Variants in ERICH5 observed in about 807,000 individuals in gnomAD.
ERICH5 encodes glutamate rich 5.
Under a neutral mutation model 28.0 loss-of-function variants are expected in ERICH5, and 24 were observed. The ratio of observed to expected loss-of-function variants is 0.86; its 90% CI spans 0.62 to 1.21. The LOEUF (loss-of-function observed/expected upper bound fraction) is 1.21. Among genes scored for constraint, ERICH5 ranks in the 50% most tolerant of loss-of-function variants. The pLI is 0.00. For synonymous variants in ERICH5, 163 were observed against 157.6 expected (o/e 1.03, Z -0.25); for missense variants, 421 against 441.2 (o/e 0.95, Z 0.41).
chr8:98,085,290 A>G (rs1453220382), intron 1 of ERICH5, among the ~76,000 whole-genome samples: 2 of 151,186 alleles, frequency 1.3e-5, no homozygotes, highest in African/African-American at 2.4e-5. Context: ...CCTCCCGAGT[A>G]GCTGGGACTG....
rs1386823975 is a variant in ERICH5 at position 98,089,146 on chromosome 8, A to G, written c.129A>G (p.Ala43=). The part of the protein sequence containing the change: ...ESCFAQPKPH[A]LGRESTVDGN... ...GCTTTGCCCAACCAAAGCCACATGC[A>G]CTGGGAAGAGAATCTACTGTTGATG... The change falls in exon 2 of 3, where the codon GCA becomes GCG. Residue 43 remains alanine (A), a synonymous_variant. Transcript: ENST00000318528. 1.2e-6 allele frequency: 2 copies of G among 1,614,124 alleles called. No homozygotes were observed. Among genetic ancestry groups the G allele is most frequent in the African/African-American group, 2.7e-5 (2 of 74,936 alleles).
chr8:98,093,035 A>G (rs1286496388), intron 2 of ERICH5, among the ~76,000 whole-genome samples, 186 bp from the exon 3 acceptor site: 1 of 152,106 alleles, frequency 6.6e-6, no homozygotes, highest in African/African-American at 2.4e-5. Context: ...TGGCCTCCCA[A>G]TGTGTTGGAT....
rs1211704091 is a variant in ERICH5 at position 98,089,096 on chromosome 8, T to C, written c.79T>C (p.Ser27Pro). ...CAAAGTAACTTCAAATGAGCATTTT[T>C]CAACTGCAGAAGAAAGTGAGTCCTG... ...FPSVTSNEHF[S>P]TAEESESCFA... The change falls in exon 2 of 3, where the codon TCA becomes CCA. Residue 27 changes from serine to proline, a missense_variant. Physicochemically the swap from Ser to Pro is moderately conservative, Grantham distance 74 (BLOSUM62 -1). Coordinates refer to ENST00000318528, the MANE Select transcript of ERICH5 (RefSeq NM_173549.3). The C allele has an allele frequency of 6.2e-7, 1 of 1,604,754 alleles. No homozygotes were observed.
chr8:98,088,857 A>G (rs150955630), intron 1 of ERICH5, among the ~76,000 whole-genome samples: 8 of 152,294 alleles, frequency 5.3e-5, no homozygotes, highest in African/African-American at 1.9e-4. Flanking sequence ...GTTTTGGAGG[A>G]CTTCAGCGCT....
chr8:98,070,617 G>A (rs1238521133), intron 1 of ERICH5, among the ~76,000 whole-genome samples: 1 of 118,004 alleles, frequency 8.5e-6, no homozygotes, highest in Non-Finnish European at 1.7e-5. Context: ...CCAAGATCGC[G>A]CCATTGCACT....
rs535686253 is a variant in ERICH5 at position 98,089,590 on chromosome 8, T to A, written c.573T>A (p.Thr191=). ...TAAEMKPLGT[T]ENVLTLQIAG... is the part of the protein sequence containing the mutation. ...CAGAGATGAAGCCTCTAGGAACAAC[T>A]GAGAACGTTCTGACTCTGCAAATAG... is the stretch of plus-strand genomic sequence containing the variant. Residue 191 remains threonine, a synonymous_variant, in exon 2 of 3, where the codon ACT becomes ACA. Transcript: ENST00000318528. 6.2e-7 allele frequency: 1 copy of A among 1,614,132 alleles called. No homozygotes were observed. Among genetic ancestry groups the A allele is most frequent in the Non-Finnish European group, 8.5e-7 (1 of 1,180,020 alleles).
intron 1 of ERICH5, among the ~76,000 whole-genome samples, chr8:98,077,100 TAA>T (rs34156712): frequency 0.087 from 12,827 of 146,750 alleles, 593 homozygotes; most frequent in East Asian, 0.19. Flanking sequence ...CTGTCTCTAT[TAA>T]AAAAAAAAAA....
At chr8:98,078,093 A>T (rs1319269556) in intron 1 of ERICH5, among the ~76,000 whole-genome samples, 1 of 152,210 alleles carries the variant, frequency 6.6e-6, no homozygotes, top group Non-Finnish European at 1.5e-5. Context: ...ACCTTTCTTC[A>T]AAATGAGTGC....
intron 1 of ERICH5, among the ~76,000 whole-genome samples, chr8:98,072,042 G>A (rs970005274): frequency 1.3e-5 from 2 of 151,830 alleles, no homozygotes; most frequent in Non-Finnish European, 2.9e-5. Context: ...ATGAACTACC[G>A]TGCCCAGCCC....
intron 1 of ERICH5, among the ~76,000 whole-genome samples, chr8:98,074,174 G>A (rs1346830444): frequency 6.6e-6 from 1 of 151,738 alleles, no homozygotes; most frequent in Non-Finnish European, 1.5e-5. Flanking sequence ...TGGGATTATA[G>A]GTGTGAGCCA....
intron 1 of ERICH5, among the ~76,000 whole-genome samples, chr8:98,079,557 G>T (rs1407032853): frequency 6.6e-6 from 1 of 151,468 alleles, no homozygotes; most frequent in Non-Finnish European, 1.5e-5. Context: ...TATTTATTTT[G>T]AGATGAAGTC....
intron 1 of ERICH5, 114 bp downstream of exon 1, chr8:98,064,841 T>G (rs1814790948): frequency 1.3e-6 from 1 of 778,158 alleles, no homozygotes; most frequent in Non-Finnish European, 1.9e-6. Flanking sequence ...GAGCCGGGCC[T>G]TGTCCCGGAG....
intron 1 of ERICH5, among the ~76,000 whole-genome samples, chr8:98,072,905 T>C (rs557843309): frequency 6.6e-6 from 1 of 151,896 alleles, no homozygotes; most frequent in Non-Finnish European, 1.5e-5. Flanking sequence ...TTTCTGCCTC[T>C]TCCCATTTTC....
intron 2 of ERICH5, among the ~76,000 whole-genome samples, chr8:98,092,104 T>A (rs1466847727): frequency 1.3e-5 from 2 of 150,322 alleles, no homozygotes; most frequent in Non-Finnish European, 3.0e-5. Flanking sequence ...ACTGAAGGGA[T>A]CCTCTTGCCC....
chr8:98,093,271 G>A lies in ERICH5; in HGVS notation c.1063G>A (p.Glu355Lys), dbSNP rs1222239785. The A allele has an allele frequency of 6.2e-7, 1 of 1,614,050 alleles. No individual in the cohort carries two copies. The highest frequency in any genetic ancestry group is 8.5e-7 in the Non-Finnish European group (1 of 1,179,950). Residue 355 changes from glutamate to lysine, a missense_variant, in exon 3 of 3, where the codon GAA (glutamate) becomes AAA (lysine). Coordinates refer to ENST00000318528, the MANE Select transcript of ERICH5 (RefSeq NM_173549.3). ...AGACATGGAGAATGAGAAAGTGAGT[G>A]AAGGGGCTGAAACCAAAGAAGAAGA... is the stretch of plus-strand genomic sequence containing the variant. The part of the protein sequence containing the change: ...ETDMENEKVS[E>K]GAETKEEETG...
chr8:98,078,398 A>G (rs1815099195), intron 1 of ERICH5, among the ~76,000 whole-genome samples: 1 of 152,240 alleles, frequency 6.6e-6, no homozygotes, highest in Admixed American at 6.5e-5. Flanking sequence ...GATGACAGCA[A>G]GGAAAAACAC....
In ERICH5 at chr8:98,089,399, G is replaced by GA. The variant is rs761689088; in HGVS notation, c.384dup (p.Gly129ArgfsTer20). 3.0e-5 allele frequency: 49 copies of GA among 1,614,114 alleles called. No homozygotes were observed. In the South Asian group the frequency reaches 4.4e-4, roughly 14 times the overall value. ...TGGCAAAGAGGATGCCCCAGCAGCA[G>GA]AAGGAAAGAAGAAAGATGCAGGAGC... On this transcript the variant is annotated frameshift_variant, in exon 2 of 3. Transcript: ENST00000318528. LOFTEE classifies it high-confidence loss of function.
At chr8:98,086,190 G>GA (rs890818663) in intron 1 of ERICH5, among the ~76,000 whole-genome samples, 10 of 152,074 alleles carry the variant, frequency 6.6e-5, no homozygotes, top group African/African-American at 2.4e-4. Flanking sequence ...AGGAAGAACA[G>GA]AAAAAAAGAC....
At chr8:98,086,670 G>T (rs1167401400) in intron 1 of ERICH5, among the ~76,000 whole-genome samples, 1 of 152,154 alleles carries the variant, frequency 6.6e-6, no homozygotes, top group African/African-American at 2.4e-5. Flanking sequence ...GGAAATGTGG[G>T]CCGGGTGCGG....
Sources: allele counts gnomAD v4.1 joint callset (sites outside exome capture counted in the v4.1 genomes callset), GRCh38; gene constraint gnomAD v4.1.1; transcripts MANE v1.5; gene names NCBI Gene and HGNC (gene_info 2026-07-23, HGNC 2026-07-21).